TRPM3: variants seen among roughly 807,000 people sequenced by gnomAD.
The protein encoded by TRPM3 is transient receptor potential cation channel subfamily M member 3, also known as long transient receptor potential channel 3.
TRPM3 carries 77 observed loss-of-function variants against 181.2 expected under a neutral mutation model. That is an observed-to-expected ratio of 0.42 (90% confidence interval 0.35 to 0.51). The LOEUF is 0.51. TRPM3 is among the 20% of genes least tolerant of loss of function. The pLI, the probability that TRPM3 is intolerant of heterozygous loss-of-function variation, is 0.01. For synonymous variants in TRPM3, 745 were observed against 796.4 expected, an observed-to-expected ratio of 0.94 and a Z score of 1.09; for missense variants, 1,759 against 2,196.7, an observed-to-expected ratio of 0.80 and a Z score of 3.98.
At chr9:70,753,998 C>A (rs1174140081) in intron 8 of TRPM3, among the ~76,000 whole-genome samples, 3 of 152,108 alleles carry the variant, frequency 2.0e-5, no homozygotes, top group Non-Finnish European at 4.4e-5. Context: ...AACCATGGGG[C>A]TTACAATGCC....
At chr9:70,567,220 A>AT (rs1476640290) in intron 22 of TRPM3, among the ~76,000 whole-genome samples, 2 of 152,198 alleles carry the variant, frequency 1.3e-5, no homozygotes, top group Non-Finnish European at 2.9e-5. Context: ...AACCTGAACA[A>AT]TTTTCTAGAC....
chr9:70,945,416 A>G (rs1463600346), intron 1 of TRPM3, among the ~76,000 whole-genome samples: 2 of 152,184 alleles, frequency 1.3e-5, no homozygotes, highest in African/African-American at 4.8e-5. Context: ...AATGAACTAA[A>G]AACTGTTAAA....
intron 16 of TRPM3, 24 bp from the exon 17 acceptor site, chr9:70,619,119 A>G (rs745699017): frequency 2.4e-5 from 39 of 1,598,494 alleles, no homozygotes; most frequent in Non-Finnish European, 3.1e-5. Context: ...TGGGTGGAAG[A>G]GTCCTTCAGG....
chr9:71,348,671 G>T (rs946988365), intron 1 of TRPM3, among the ~76,000 whole-genome samples: 3 of 151,842 alleles, frequency 2.0e-5, no homozygotes, highest in Non-Finnish European at 4.4e-5. Context: ...CTGGGTTCAA[G>T]CGATTGCCTC....
chr9:70,620,045 C>G lies in TRPM3; in HGVS notation c.2129+31G>C, dbSNP rs574498233. 59 of 1,579,706 alleles carry G rather than the reference C, an allele frequency of 3.7e-5. No individual in the cohort carries two copies. The Admixed American group carries it at 3.8e-4, about 10-fold the overall frequency. On this transcript the variant is annotated intron_variant, in intron 16 of 25. Coordinates refer to ENST00000677713, the MANE Select transcript of TRPM3 (RefSeq NM_001366145.2). Reference sequence around the variant, plus strand: ...GGAGCCCACCTTTCCTCCTCTCCCCCTGACCAGCCCATTTTGCTGGGCGGA... The same window carrying G: ...GGAGCCCACCTTTCCTCCTCTCCCCGTGACCAGCCCATTTTGCTGGGCGGA...
At chr9:71,261,509 A>G (rs1419415115) in intron 1 of TRPM3, among the ~76,000 whole-genome samples, 1 of 152,162 alleles carries the variant, frequency 6.6e-6, no homozygotes, top group African/African-American at 2.4e-5. Context: ...ACTTCCGTCA[A>G]TTCGTCAAAC....
intron 1 of TRPM3, among the ~76,000 whole-genome samples, chr9:70,902,153 C>T (rs1256435548): frequency 6.6e-6 from 1 of 152,194 alleles, no homozygotes; most frequent in Non-Finnish European, 1.5e-5. Context: ...CTCCCCATGT[C>T]TAGCTGTTAA....
intron 6 of TRPM3, among the ~76,000 whole-genome samples, chr9:70,820,179 C>T (rs951545376): frequency 2.0e-5 from 3 of 152,126 alleles, no homozygotes; most frequent in East Asian, 3.9e-4. Flanking sequence ...GGAGGGACAA[C>T]TACAGTTTAG....
chr9:70,908,148 A>T (rs1472218552), intron 1 of TRPM3, among the ~76,000 whole-genome samples: 1 of 152,206 alleles, frequency 6.6e-6, no homozygotes, highest in East Asian at 1.9e-4. Context: ...ACATACACAT[A>T]AATCAATGTC....
chr9:71,200,229 T>C (rs1459293792), intron 1 of TRPM3, among the ~76,000 whole-genome samples: 1 of 152,102 alleles, frequency 6.6e-6, no homozygotes, highest in Non-Finnish European at 1.5e-5. Context: ...TGCACTGTGG[T>C]CTGAGAGACA....
intron 1 of TRPM3, among the ~76,000 whole-genome samples, chr9:71,169,882 G>A (rs1035349100): frequency 6.6e-6 from 1 of 150,406 alleles, no homozygotes; most frequent in African/African-American, 2.4e-5. Flanking sequence ...GTACCCCATA[G>A]TTCCAGCTAC....
At chr9:70,839,942 A>G (rs193264869) in intron 5 of TRPM3, among the ~76,000 whole-genome samples, 23 of 152,314 alleles carry the variant, frequency 1.5e-4, no homozygotes, top group Admixed American at 3.9e-4. Flanking sequence ...ATGGCAGTAC[A>G]TTAAGCTAGC....
chr9:71,090,794 C>T (rs2066072111), intron 1 of TRPM3, among the ~76,000 whole-genome samples: 1 of 152,048 alleles, frequency 6.6e-6, no homozygotes, highest in Admixed American at 6.6e-5. Flanking sequence ...ATAATGACTA[C>T]CTACTTCATG....
chr9:70,647,332 A>G (rs900640774), intron 9 of TRPM3, among the ~76,000 whole-genome samples: 5 of 152,084 alleles, frequency 3.3e-5, no homozygotes, highest in African/African-American at 1.2e-4. Context: ...ACATCAAAAA[A>G]CTTATCCATC....
intron 1 of TRPM3, among the ~76,000 whole-genome samples, chr9:71,395,702 G>T (rs1380239028): frequency 6.6e-6 from 1 of 152,174 alleles, no homozygotes; most frequent in Non-Finnish European, 1.5e-5. Flanking sequence ...TAAAATTCTA[G>T]TTAATTATTT....
Position 70,846,493 on chromosome 9 carries a change from A to C in TRPM3, c.561T>G (p.His187Gln). The C allele has an allele frequency of 6.2e-7, 1 of 1,614,150 alleles. No homozygotes were observed. The highest frequency in any genetic ancestry group is 8.5e-7 in the Non-Finnish European group (1 of 1,180,018). Reference protein sequence around the residue: ...LELPKLLISVHGGLQNFELQP... With the variant: ...LELPKLLISVQGGLQNFELQP... ...GGAGTTCAAAGTTCTGCAGGCCCCC[A>C]TGGACAGAGATGAGAAGCTTGGGAA... is the stretch of plus-strand genomic sequence containing the variant. The change falls in exon 4 of 26, where the codon CAT (histidine) becomes CAG (glutamine). Residue 187 changes from histidine (H) to glutamine (Q), a missense_variant. Transcript: ENST00000677713.
intron 1 of TRPM3, among the ~76,000 whole-genome samples, chr9:71,410,756 T>C (rs1038616979): frequency 6.6e-6 from 1 of 152,222 alleles, no homozygotes; most frequent in African/African-American, 2.4e-5. Flanking sequence ...TAATTCATTT[T>C]ATGAGGCCAG....
At chr9:71,109,743 C>T (rs938681452) in intron 1 of TRPM3, among the ~76,000 whole-genome samples, 1 of 151,986 alleles carries the variant, frequency 6.6e-6, no homozygotes, top group African/African-American at 2.4e-5. Flanking sequence ...GGGGCAAATA[C>T]AAGATGCAGA....
At chr9:71,149,660 C>T (rs1411169) in intron 1 of TRPM3, among the ~76,000 whole-genome samples, 96,388 of 151,906 alleles carry the variant, frequency 0.63, 32,852 homozygotes, top group East Asian at 0.8. Context: ...AGAAAATATA[C>T]AGTTAAAATA....
Sources: gnomAD v4.1 joint callset for allele counts (sites outside exome capture counted in the v4.1 genomes callset) on GRCh38, gnomAD v4.1.1 for gene constraint, MANE v1.5 for transcripts, NCBI Gene and HGNC (gene_info 2026-07-23, HGNC 2026-07-21) for gene names.